Variants in MAP7 observed in about 807,000 individuals in gnomAD.
The protein encoded by MAP7 is ensconsin.
In MAP7, 52 loss-of-function variants were observed where a neutral mutation model predicts 94.8. The ratio of observed to expected loss-of-function variants is 0.55; its 90% CI spans 0.44 to 0.69. MAP7 has a LOEUF of 0.69. MAP7 is among the 30% of genes least tolerant of loss of function. The pLI, the probability that MAP7 is intolerant of heterozygous loss-of-function variation, is 0.00. For synonymous variants in MAP7, 350 were observed against 357.0 expected, an observed-to-expected ratio of 0.98 and a Z score of 0.22; for missense variants, 940 against 964.6, an observed-to-expected ratio of 0.97 and a Z score of 0.34.
intron 1 of MAP7, among the ~76,000 whole-genome samples, chr6:136,436,792 A>G (rs1427071719): frequency 6.6e-6 from 1 of 152,238 alleles, no homozygotes; most frequent in African/African-American, 2.4e-5. Context: ...TAGCAGTCTT[A>G]TTACTGAGAG....
chr6:136,376,103 G>A (rs939861138), intron 7 of MAP7, among the ~76,000 whole-genome samples: 1 of 151,968 alleles, frequency 6.6e-6, no homozygotes, highest in East Asian at 1.9e-4. Context: ...ACTGAAAAGC[G>A]GTTTTTTTTT....
chr6:136,504,333 T>C (rs1034095168), intron 1 of MAP7, among the ~76,000 whole-genome samples: 1 of 151,928 alleles, frequency 6.6e-6, no homozygotes, highest in Non-Finnish European at 1.5e-5. Flanking sequence ...TTCCCATAAA[T>C]ACATCGTTTT....
chr6:136,420,993 C>T (rs55766701), intron 2 of MAP7, among the ~76,000 whole-genome samples: 5,716 of 152,238 alleles, frequency 0.038, 373 homozygotes, highest in African/African-American at 0.13. Context: ...GCTTGCTTTC[C>T]TTTCCTTTGA....
chr6:136,389,541 A>G, intron 3 of MAP7, 24 bp from the exon 4 acceptor site: 1 of 1,605,186 alleles, frequency 6.2e-7, no homozygotes, highest in South Asian at 1.1e-5. Flanking sequence ...TAAAAAAAAA[A>G]AAAAAGAGGG....
intron 1 of MAP7, among the ~76,000 whole-genome samples, chr6:136,464,434 A>G (rs1379773498): frequency 1.3e-5 from 2 of 152,206 alleles, no homozygotes; most frequent in African/African-American, 4.8e-5. Context: ...ATTACTCTAT[A>G]TTGTTATAAC....
At chr6:136,526,275 G>GCACACACACACA (rs1674856798) in intron 1 of MAP7, 1 of 1,060,760 alleles carries the variant, frequency 9.4e-7, no homozygotes, top group Non-Finnish European at 1.1e-6. Context: ...GTACACGCGC[G>GCACACACACACA]CGCACACACA....
rs759051558 is a variant in MAP7 at position 136,345,958 on chromosome 6, C to T, written c.2137G>A (p.Glu713Lys). 9.9e-6 allele frequency: 16 copies of T among 1,614,020 alleles called. No homozygotes were observed. The South Asian group carries it at 1.6e-4, about 17-fold the overall frequency. ...KPSRLDVTNS[E>K]SPEIPLNPIL... ...GGATTCAAAGGAATTTCTGGGCTCT[C>T]ACTGTTGGTGACATCTAATCTGGAT... The change falls in exon 17 of 18, where the codon GAG (glutamate) becomes AAG (lysine). Residue 713 changes from glutamate (E) to lysine (K), a missense_variant. Physicochemically the swap from Glu to Lys is moderately conservative, Grantham distance 56. Coordinates refer to ENST00000354570, the MANE Select transcript of MAP7 (RefSeq NM_003980.6).
chr6:136,361,588 C>G (rs1340963232), intron 11 of MAP7, among the ~76,000 whole-genome samples: 1 of 152,198 alleles, frequency 6.6e-6, no homozygotes, highest in African/African-American at 2.4e-5. Context: ...AGGAAGACAG[C>G]CATGTAAGCT....
chr6:136,351,832 G>C (rs938915298), intron 16 of MAP7, among the ~76,000 whole-genome samples: 1 of 152,182 alleles, frequency 6.6e-6, no homozygotes, highest in African/African-American at 2.4e-5. Flanking sequence ...CTGCAGCAGA[G>C]TTTTGCTTTC....
intron 1 of MAP7, among the ~76,000 whole-genome samples, chr6:136,481,205 G>GT (rs1449203994): frequency 3.3e-5 from 5 of 152,166 alleles, no homozygotes; most frequent in Non-Finnish European, 5.9e-5. Flanking sequence ...ATGGAGAACA[G>GT]TATGAAGGTT....
chr6:136,523,880 A>T (rs984513785), intron 1 of MAP7, among the ~76,000 whole-genome samples: 3 of 152,082 alleles, frequency 2.0e-5, no homozygotes, highest in African/African-American at 4.8e-5. Context: ...CTTCCTTTTT[A>T]AAAAAATACT....
chr6:136,381,925 G>GAC (rs1751566426), intron 6 of MAP7, among the ~76,000 whole-genome samples: 2 of 101,410 alleles, frequency 2.0e-5, no homozygotes, highest in African/African-American at 7.9e-5. Context: ...CACACAGAGA[G>GAC]AGAGAGAGAG....
At position 136,362,585 on chromosome 6, in the gene MAP7, C is replaced by T; in HGVS notation, c.1391G>A (p.Ser464Asn). The T allele has an allele frequency of 1.2e-6, 2 of 1,614,146 alleles. No homozygotes were observed. The highest frequency in any genetic ancestry group is 1.3e-5 in the African/African-American group (1 of 75,028). The change falls in exon 11 of 18, where the codon AGT (serine) becomes AAT (asparagine). Residue 464 changes from serine to asparagine, a missense_variant. Transcript: ENST00000354570. ...VSAPSSTVNA[S>N]ASVKTSAGTT... The stretch of plus-strand genomic sequence containing the variant: ...GCCTGCAGAAGTCTTAACAGAAGCA[C>T]TGGCATTCACAGTGGATGACGGGGC...
chr6:136,549,669 AC>A (rs939936149), intron 1 of MAP7, among the ~76,000 whole-genome samples: 11 of 152,294 alleles, frequency 7.2e-5, no homozygotes, highest in Admixed American at 2.6e-4. Context: ...CAGACTAAAA[AC>A]AAAAAACTCT....
intron 1 of MAP7, among the ~76,000 whole-genome samples, chr6:136,545,017 C>G (rs1829616892): frequency 6.6e-6 from 1 of 152,202 alleles, no homozygotes; most frequent in East Asian, 1.9e-4. Context: ...GGAAAAGTCT[C>G]ATATGTCACC....
At chr6:136,395,754 G>A (rs1255625838) in intron 3 of MAP7, among the ~76,000 whole-genome samples, 4 of 152,060 alleles carry the variant, frequency 2.6e-5, no homozygotes, top group African/African-American at 4.8e-5. Context: ...TAGGGGTCTA[G>A]TATCATTTTT....
chr6:136,466,931 C>A (rs1807319056), intron 1 of MAP7: 2 of 1,412,768 alleles, frequency 1.4e-6, no homozygotes, highest in African/African-American at 1.4e-5. Flanking sequence ...CTTGAGGTAG[C>A]TCAAGAGGAG....
At chr6:136,354,420 A>AATATATATAGTAGATAT (rs1049888113) in intron 16 of MAP7, among the ~76,000 whole-genome samples, 1 of 144,750 alleles carries the variant, frequency 6.9e-6, no homozygotes, top group Non-Finnish European at 1.5e-5. Context: ...TATATATAAA[A>AATATATATAGTAGATAT]ATATATATAG....
intron 1 of MAP7, among the ~76,000 whole-genome samples, chr6:136,497,429 T>C (rs1818584183): frequency 6.6e-6 from 1 of 151,634 alleles, no homozygotes; most frequent in Non-Finnish European, 1.5e-5. Context: ...GCAAATGCAA[T>C]CTGATTGTTC....
Sources: allele counts gnomAD v4.1 joint callset (sites outside exome capture counted in the v4.1 genomes callset), GRCh38; gene constraint gnomAD v4.1.1; transcripts MANE v1.5; gene names NCBI Gene and HGNC (gene_info 2026-07-23, HGNC 2026-07-21).